The following FDFT1 variants were observed in gnomAD, a reference collection of about 807,000 sequenced individuals.
FDFT1 encodes the protein squalene synthase.
A neutral mutation model predicts 46.8 loss-of-function variants in FDFT1; 68 were observed. The ratio of observed to expected loss-of-function variants is 1.45; its 90% CI spans 1.19 to 1.78. FDFT1 has a LOEUF of 1.78. Ranked by LOEUF, FDFT1 falls within the 40% of genes most tolerant of loss-of-function variation. FDFT1 has a pLI of 0.00. For synonymous variants in FDFT1, 351 were observed against 185.1 expected (o/e 1.90, Z -7.28); for missense variants, 928 against 524.4 (o/e 1.77, Z -7.52).
upstream of FDFT1, among the ~76,000 whole-genome samples, chr8:11,797,729 A>G (rs1005115867): frequency 1.1e-4 from 16 of 151,886 alleles, no homozygotes; most frequent in African/African-American, 3.6e-4. Context: ...CCAGAAAAGG[A>G]TTCCTGAAGC....
chr8:11,796,802 T>C (rs1241990524), intron 1 of FDFT1, among the ~76,000 whole-genome samples: 1 of 152,206 alleles, frequency 6.6e-6, no homozygotes, highest in East Asian at 1.9e-4. Context: ...CCTTAGCCCA[T>C]GAGGGTTCCT....
At chr8:11,802,519 C>G (rs532379624), upstream of FDFT1, 308 of 525,894 alleles carry the variant, frequency 5.9e-4, 7 homozygotes, top group South Asian at 4.5e-3. Flanking sequence ...CGGCCTCTTT[C>G]TCGGCCTCCA....
At chr8:11,805,434 A>G (rs946964616) in intron 1 of FDFT1, among the ~76,000 whole-genome samples, 12 of 152,244 alleles carry the variant, frequency 7.9e-5, no homozygotes, top group Admixed American at 7.2e-4. Context: ...GCAGGCTGTT[A>G]GTAATCAGGC....
At chr8:11,827,117 T>C (rs975719945) in intron 5 of FDFT1, among the ~76,000 whole-genome samples, 2 of 152,208 alleles carry the variant, frequency 1.3e-5, no homozygotes, top group African/African-American at 4.8e-5. Context: ...CCTGAATTTA[T>C]TCCAGCATTT....
At chr8:11,827,401 C>G (rs1305398864) in intron 5 of FDFT1, among the ~76,000 whole-genome samples, 1 of 151,734 alleles carries the variant, frequency 6.6e-6, no homozygotes, top group African/African-American at 2.4e-5. Flanking sequence ...ACCTGTATTC[C>G]TAGGTATTCG....
chr8:11,808,511 G>T, intron 1 of FDFT1: 1 of 1,327,104 alleles, frequency 7.5e-7, no homozygotes, highest in Non-Finnish European at 9.6e-7. Flanking sequence ...CGGGGTCCGC[G>T]ATTCCCATGG....
intron 7 of FDFT1, among the ~76,000 whole-genome samples, chr8:11,835,943 G>C (rs1811472697): frequency 8.3e-6 from 1 of 120,522 alleles, no homozygotes; most frequent in African/African-American, 3.0e-5. Context: ...AAACCAGCCT[G>C]ACTTATGTGA....
At chr8:11,822,743 G>C (rs1404941656) in intron 4 of FDFT1, among the ~76,000 whole-genome samples, 1 of 152,160 alleles carries the variant, frequency 6.6e-6, no homozygotes, top group Admixed American at 6.5e-5. Context: ...TTGAGCCCAA[G>C]AGTTGAAGGT....
At position 11,802,890 on chromosome 8, in the gene FDFT1, C is replaced by G; in HGVS notation, c.58C>G (p.Arg20Gly). ...AGAGTTCTACAACCTGGTGCGCTTC[C>G]GGATCGGGGGCAAGCGGAAGGTGAT... ...PEEFYNLVRF[R>G]IGGKRKVMPK... Residue 20 changes from arginine to glycine, a missense_variant, in exon 1 of 8, where the codon CGG becomes GGG. Coordinates refer to ENST00000220584, the MANE Select transcript of FDFT1 (RefSeq NM_004462.5). The G allele has an allele frequency of 6.2e-7, 1 of 1,612,024 alleles. No homozygotes were observed. The highest frequency in any genetic ancestry group is 8.5e-7 in the Non-Finnish European group (1 of 1,179,026).
At chr8:11,818,430 C>G (rs1017697432) in intron 3 of FDFT1, among the ~76,000 whole-genome samples, 1 of 152,172 alleles carries the variant, frequency 6.6e-6, no homozygotes, top group African/African-American at 2.4e-5. Context: ...AACCTTTTGT[C>G]TTGTTGATCT....
At chr8:11,817,084 T>C (rs1808562612) in intron 3 of FDFT1, among the ~76,000 whole-genome samples, 2 of 152,042 alleles carry the variant, frequency 1.3e-5, no homozygotes, top group African/African-American at 2.4e-5. Flanking sequence ...CATGAAAGAC[T>C]GTTGAATTTT....
rs1811856388 is a variant in FDFT1, at chr8:11,838,478, C to G, written c.1123C>G (p.Gln375Glu). Residue 375 changes from glutamine (Q) to glutamate (E), a missense_variant, in exon 8 of 8, where the codon CAG becomes GAG. Transcript: ENST00000220584. ...TIRTQNLPNC[Q>E]LISRSHYSPI... ...CCGGACGCAGAATCTTCCCAACTGT[C>G]AGCTGATTTCCCGAAGCCACTACTC... 6.2e-7 allele frequency: 1 copy of G among 1,605,760 alleles called. No individual in the cohort carries two copies. Among genetic ancestry groups the G allele is most frequent in the Non-Finnish European group, 8.5e-7 (1 of 1,175,088 alleles).
intron 7 of FDFT1, among the ~76,000 whole-genome samples, chr8:11,834,972 C>T (rs7817408): frequency 0.014 from 2,193 of 152,230 alleles, 46 homozygotes; most frequent in African/African-American, 0.049. Context: ...AAAAATACAA[C>T]ATTTAGCCAG....
intron 3 of FDFT1, among the ~76,000 whole-genome samples, chr8:11,813,227 G>T (rs1250306874): frequency 1.3e-5 from 2 of 152,174 alleles, no homozygotes; most frequent in African/African-American, 2.4e-5. Context: ...ACATGAGCAC[G>T]TATCTTTCTC....
intron 6 of FDFT1, 112 bp downstream of exon 6, chr8:11,830,532 A>C: frequency 1.3e-6 from 1 of 755,138 alleles, no homozygotes; most frequent in East Asian, 2.5e-5. Context: ...AAAGACGATG[A>C]CTCCAGTTTA....
chr8:11,815,493 A>C (rs2130773479), intron 3 of FDFT1, among the ~76,000 whole-genome samples: 1 of 152,206 alleles, frequency 6.6e-6, no homozygotes, highest in East Asian at 1.9e-4. Context: ...CCAACAGTGT[A>C]AATTTAGTCC....
intron 3 of FDFT1, among the ~76,000 whole-genome samples, chr8:11,810,607 G>T (rs1183187250): frequency 2.0e-5 from 3 of 152,188 alleles, no homozygotes; most frequent in African/African-American, 7.2e-5. Context: ...GTGGGTTATA[G>T]TTAAAATCCT....
chr8:11,810,402 G>T (rs1181804916), intron 3 of FDFT1, among the ~76,000 whole-genome samples: 3 of 152,208 alleles, frequency 2.0e-5, no homozygotes, highest in Admixed American at 1.3e-4. Flanking sequence ...GGCGGTGTCT[G>T]TTGGCAGCTA....
At chr8:11,833,910 C>A (rs148507225) in intron 7 of FDFT1, among the ~76,000 whole-genome samples, 3 of 152,328 alleles carry the variant, frequency 2.0e-5, no homozygotes, top group African/African-American at 7.2e-5. Context: ...TTAGGGAAAT[C>A]TTTGAAGATT....
Sources: allele counts gnomAD v4.1 joint callset (sites outside exome capture counted in the v4.1 genomes callset), GRCh38; gene constraint gnomAD v4.1.1; transcripts MANE v1.5; gene names NCBI Gene and HGNC (gene_info 2026-07-23, HGNC 2026-07-21).